ARMCX4: variants seen among roughly 807,000 people sequenced by gnomAD.
ARMCX4 encodes armadillo repeat containing X-linked 4, also known as armadillo repeat-containing X-linked protein 4.
A neutral mutation model predicts 34.7 loss-of-function variants in ARMCX4; 3 were observed. The observed-to-expected ratio is 0.09, with a 90% CI of 0.04 to 0.22. The LOEUF is 0.22. Among genes scored for constraint, ARMCX4 ranks in the 10% least tolerant of loss-of-function variants. The pLI is 1.00. For synonymous variants in ARMCX4, 513 were observed against 632.8 expected (o/e 0.81, Z 2.84); for missense variants, 1,448 against 1,720.8 (o/e 0.84, Z 2.81).
rs1034074963 is a variant in ARMCX4, at chrX:101,518,718, T to C, written c.*1780+7663T>C. Among the ~76,000 whole-genome samples the C allele has an allele frequency of 1.4e-3, 155 of 110,768 alleles. 1 individual carries two copies. Among genetic ancestry groups the C allele is most frequent in the African/African-American group, 4.5e-3 (137 of 30,677 alleles). Reference sequence around the variant, plus strand: ...AAAACAAACACACAAAGATTGAAAATAAAAAGATTTAAAAAACCCAGGTAA... The same window carrying C: ...AAAACAAACACACAAAGATTGAAAACAAAAAGATTTAAAAAACCCAGGTAA... On this transcript the variant is annotated intron_variant and NMD_transcript_variant, in intron 11 of 12. Coordinates refer to the ARMCX4 transcript ENST00000354842.
downstream of ARMCX4, among the ~76,000 whole-genome samples, chrX:101,451,430 C>G (rs373642752): frequency 2.7e-5 from 3 of 112,120 alleles, no homozygotes; most frequent in East Asian, 2.8e-4. Flanking sequence ...TGTCATGTGG[C>G]TGCTGCCAGG....
intron 4 of ARMCX4, among the ~76,000 whole-genome samples, chrX:101,471,530 A>G (rs368249828): frequency 2.7e-5 from 3 of 111,962 alleles, no homozygotes; most frequent in African/African-American, 9.8e-5. Flanking sequence ...ATTTAGAGAG[A>G]ATGGATAATA....
intron 4 of ARMCX4, among the ~76,000 whole-genome samples, chrX:101,462,273 T>A (rs1932646148): frequency 9.0e-6 from 1 of 111,691 alleles, no homozygotes. Context: ...GTCAGGCAGA[T>A]GAAAGGATAA....
At chrX:101,450,074 TTC>T (rs1473070634), downstream of ARMCX4, among the ~76,000 whole-genome samples, 4 of 112,181 alleles carry the variant, frequency 3.6e-5, no homozygotes, top group African/African-American at 1.3e-4. Flanking sequence ...GTCTCTTTCT[TTC>T]TCTCTGTTTT....
chrX:101,521,146 A>C (rs1556019025), intron 11 of ARMCX4, among the ~76,000 whole-genome samples: 1 of 110,014 alleles, frequency 9.1e-6, no homozygotes, highest in African/African-American at 3.3e-5. Flanking sequence ...TGGCCAGGCT[A>C]GTCTCAAACT....
At chrX:101,517,961 A>C (rs782389224) in intron 11 of ARMCX4, among the ~76,000 whole-genome samples, 2 of 112,119 alleles carry the variant, frequency 1.8e-5, no homozygotes, top group South Asian at 3.7e-4. Flanking sequence ...ACACATAAGA[A>C]TAGTTAGACA....
chrX:101,449,893 T>C (rs2147583137), downstream of ARMCX4, among the ~76,000 whole-genome samples: 1 of 111,634 alleles, frequency 9.0e-6, no homozygotes, highest in Admixed American at 9.5e-5. Flanking sequence ...ACTTGGACGT[T>C]GTGATCTAAG....
chrX:101,502,320 C>A (rs1314544311), intron 7 of ARMCX4, among the ~76,000 whole-genome samples: 1 of 112,355 alleles, frequency 8.9e-6, no homozygotes, highest in Non-Finnish European at 1.9e-5. Flanking sequence ...TGGCTCACTG[C>A]AGCCTTGACC....
intron 2 of ARMCX4, among the ~76,000 whole-genome samples, chrX:101,431,747 G>A (rs782099027): frequency 7.3e-4 from 82 of 111,595 alleles, no homozygotes; most frequent in African/African-American, 2.5e-3. Flanking sequence ...GTTTCATTGT[G>A]TTAGCCAGGA....
chrX:101,450,891 C>A (rs193065398), downstream of ARMCX4, among the ~76,000 whole-genome samples: 1 of 111,679 alleles, frequency 9.0e-6, no homozygotes, highest in African/African-American at 3.3e-5. Flanking sequence ...AGGGGCCTCA[C>A]AACTCTGCCC....
At chrX:101,529,685 A>C (rs1333903503) in intron 11 of ARMCX4, among the ~76,000 whole-genome samples, 3 of 112,560 alleles carry the variant, frequency 2.7e-5, no homozygotes, top group Non-Finnish European at 5.6e-5. Context: ...ATATGAACAG[A>C]CACTTCTCAA....
At chrX:101,465,960 TG>T (rs59347676) in intron 4 of ARMCX4, among the ~76,000 whole-genome samples, 3,181 of 111,993 alleles carry the variant, frequency 0.028, 117 homozygotes, top group African/African-American at 0.097. Flanking sequence ...AAACTTTTTT[TG>T]GTAGGACACA....
At chrX:101,464,028 G>A (rs1047688167) in intron 4 of ARMCX4, among the ~76,000 whole-genome samples, 4 of 110,192 alleles carry the variant, frequency 3.6e-5, no homozygotes, top group Admixed American at 1.9e-4. Context: ...AAAGTGCTGG[G>A]ATTATAGGCG....
rs889830249 is a variant in ARMCX4 at position 101,492,383 on chromosome X, C to A, written c.3794C>A (p.Ser1265Tyr). 8 of 1,151,785 alleles carry A rather than the reference C, an allele frequency of 6.9e-6. No individual in the cohort carries two copies. The African/African-American group carries it at 1.5e-4, about 21-fold the overall frequency. 94.9% of individuals were successfully genotyped at this position (1,151,785 alleles called of 1,213,427 possible). A position where few individuals can be genotyped will look rare whatever the true frequency, so the allele number is the denominator to read the frequency against. Reference sequence around the variant, plus strand: ...GTTGGGGAAGAGGCCATTGGAGGGTCCTGGACTGGGGCTGAGAACCAAGCC... The same window carrying A: ...GTTGGGGAAGAGGCCATTGGAGGGTACTGGACTGGGGCTGAGAACCAAGCC... The part of the protein sequence containing the change: ...SWVGEEAIGG[S>Y]WTGAENQASE... Residue 1265 changes from serine to tyrosine, a missense_variant, in exon 6 of 6, where the codon TCC (serine) becomes TAC (tyrosine). Coordinates refer to ENST00000423738, the MANE Select transcript of ARMCX4 (RefSeq NM_001256155.3).
intron 2 of ARMCX4, among the ~76,000 whole-genome samples, chrX:101,419,555 C>G (rs1324698371): frequency 8.9e-6 from 1 of 111,970 alleles, no homozygotes; most frequent in Non-Finnish European, 1.9e-5. Context: ...CAAAGTAAGA[C>G]ATAAAGATAA....
chrX:101,482,988 T>C (rs1432007766), upstream of ARMCX4, among the ~76,000 whole-genome samples: 1 of 99,633 alleles, frequency 1.0e-5, no homozygotes, highest in Non-Finnish European at 2.0e-5. Flanking sequence ...CTCCATCCCT[T>C]GGGTTCAAGC....
At chrX:101,477,095 C>T (rs1402356681) in intron 4 of ARMCX4, among the ~76,000 whole-genome samples, 1 of 110,606 alleles carries the variant, frequency 9.0e-6, no homozygotes. Flanking sequence ...TACAACTAAT[C>T]AAAACTGGCT....
intron 11 of ARMCX4, among the ~76,000 whole-genome samples, chrX:101,527,539 G>A (rs1413111297): frequency 9.0e-6 from 1 of 111,521 alleles, no homozygotes; most frequent in African/African-American, 3.3e-5. Context: ...AATGAATCCA[G>A]GGGCTGGTTT....
chrX:101,442,121 C>T (rs1266435937), intron 2 of ARMCX4, among the ~76,000 whole-genome samples: 3 of 112,561 alleles, frequency 2.7e-5, no homozygotes, highest in Non-Finnish European at 5.6e-5. Context: ...TTCTCTGCTT[C>T]ACCCAGCAAA....
Sources: allele counts gnomAD v4.1 joint callset (sites outside exome capture counted in the v4.1 genomes callset), GRCh38; gene constraint gnomAD v4.1.1; transcripts MANE v1.5; gene names NCBI Gene and HGNC (gene_info 2026-07-23, HGNC 2026-07-21).